Variants in OSBP2 observed in about 807,000 individuals in gnomAD.
OSBP2 encodes the protein oxysterol binding protein 2.
Under a neutral mutation model 96.0 loss-of-function variants are expected in OSBP2, and 66 were observed. That is an observed-to-expected ratio of 0.69 (90% CI 0.56 to 0.84). OSBP2 has a LOEUF of 0.84. OSBP2 is among the 40% of genes least tolerant of loss of function. The pLI, the probability that OSBP2 is intolerant of heterozygous loss-of-function variation, is 0.00. For missense variants in OSBP2, 1,038 were observed against 1,222.7 expected (o/e 0.85, Z 2.25); for synonymous variants, 525 against 520.9 (o/e 1.01, Z -0.11).
chr22:30,811,780 C>T (rs1297892734), intron 2 of OSBP2, among the ~76,000 whole-genome samples: 2 of 151,978 alleles, frequency 1.3e-5, no homozygotes, highest in Non-Finnish European at 2.9e-5. Context: ...GTCTCGAACT[C>T]CTGACCTCAG....
chr22:30,854,718 T>C (rs1443877110), intron 2 of OSBP2, among the ~76,000 whole-genome samples: 1 of 152,202 alleles, frequency 6.6e-6, no homozygotes, highest in East Asian at 1.9e-4. Flanking sequence ...TTTGAGCTTT[T>C]ATTTGGTATG....
chr22:30,903,753 A>G (rs1419194016), intron 12 of OSBP2, among the ~76,000 whole-genome samples: 1 of 152,208 alleles, frequency 6.6e-6, no homozygotes, highest in African/African-American at 2.4e-5. Context: ...GTTTCCCCAA[A>G]TCCCTGTTGC....
At chr22:30,765,922 G>A (rs1176538454) in intron 2 of OSBP2, among the ~76,000 whole-genome samples, 4 of 152,140 alleles carry the variant, frequency 2.6e-5, no homozygotes, top group Non-Finnish European at 5.9e-5. Context: ...GAATATAAGC[G>A]TGAATTATTG....
intron 2 of OSBP2, among the ~76,000 whole-genome samples, chr22:30,789,361 A>G (rs544035374): frequency 6.6e-6 from 1 of 152,312 alleles, no homozygotes; most frequent in East Asian, 1.9e-4. Flanking sequence ...TGGGGGCCAC[A>G]TTCTCTGGGC....
intron 2 of OSBP2, among the ~76,000 whole-genome samples, chr22:30,865,442 T>C (rs371916767): frequency 1.5e-4 from 23 of 152,044 alleles, no homozygotes; most frequent in African/African-American, 3.1e-4. Flanking sequence ...CTGGCCAACA[T>C]AGTGAAACCC....
At chr22:30,764,096 C>T (rs966226772) in intron 2 of OSBP2, among the ~76,000 whole-genome samples, 2 of 152,238 alleles carry the variant, frequency 1.3e-5, no homozygotes, top group African/African-American at 4.8e-5. Context: ...CCACCTCCCT[C>T]TTGGGCCTTC....
chr22:30,892,299 T>TG (rs2039967759), intron 8 of OSBP2, among the ~76,000 whole-genome samples: 1 of 152,020 alleles, frequency 6.6e-6, no homozygotes, highest in South Asian at 2.1e-4. Context: ...ATGGGCTCCT[T>TG]GGGGAGGGAT....
At chr22:30,850,050 C>T (rs893078074) in intron 2 of OSBP2, among the ~76,000 whole-genome samples, 1 of 152,080 alleles carries the variant, frequency 6.6e-6, no homozygotes, top group African/African-American at 2.4e-5. Context: ...CACCTGTAAT[C>T]CCAGCACTTT....
intron 2 of OSBP2, among the ~76,000 whole-genome samples, chr22:30,785,654 G>A (rs1258387069): frequency 1.3e-5 from 2 of 151,632 alleles, no homozygotes; most frequent in Non-Finnish European, 2.9e-5. Flanking sequence ...GATATGATTT[G>A]GCTCTATATC....
rs1420586003 is a variant in OSBP2 at position 30,730,760 on chromosome 22, CTCTCT to C, written c.645-10400_645-10396del. Among the ~76,000 whole-genome samples the C allele has an allele frequency of 4.2e-3, 178 of 41,982 alleles. 10 individuals are homozygous for C. The highest frequency in any genetic ancestry group is 6.7e-3 in the Admixed American group (20 of 3,006). The allele number at this position is 41,982 out of a possible 152,430, so 27.5% of individuals were successfully genotyped here. ...TCTCTCTCTCTCTCTCTCTCTCTCTCTCTCTCTCTCTCTCTATATATATATATATA... is the reference window on the plus strand; with the variant it reads ...TCTCTCTCTCTCTCTCTCTCTCTCTCCTCTCTCTCTATATATATATATATA... On this transcript the variant is annotated intron_variant, in intron 1 of 13. Transcript: ENST00000332585.
Position 30,870,766 on chromosome 22 carries a change from G to C in OSBP2, c.1107+84G>C. On this transcript the variant is annotated intron_variant, in intron 3 of 13. Coordinates refer to ENST00000332585, the MANE Select transcript of OSBP2 (RefSeq NM_030758.4). This position sits in a 1 kb window ranked among gnomAD's most constrained non-coding sequence, Gnocchi z 4.1. ...CTCGGTGGGTGACCAGGGTCAGCTT[G>C]AAGGGTCAGCGTTCCATTTCCTGCG... is the stretch of plus-strand genomic sequence containing the variant. 1.4e-6 allele frequency: 2 copies of C among 1,437,646 alleles called. No individual in the cohort carries two copies. Among genetic ancestry groups the C allele is most frequent in the African/African-American group, 2.8e-5 (2 of 71,822 alleles). 89.1% of individuals were successfully genotyped at this position (1,437,646 alleles called of 1,614,324 possible).
chr22:30,830,058 ATCT>A (rs2038489754), intron 2 of OSBP2, among the ~76,000 whole-genome samples: 1 of 152,104 alleles, frequency 6.6e-6, no homozygotes, highest in Admixed American at 6.5e-5. Flanking sequence ...CTGGATGTAC[ATCT>A]TCTTCTGACC....
At chr22:30,699,723 TCTGCC>T (rs2089126463) in intron 1 of OSBP2, among the ~76,000 whole-genome samples, 3 of 152,290 alleles carry the variant, frequency 2.0e-5, no homozygotes, top group Admixed American at 2.0e-4. Flanking sequence ...CTCAGGTACT[TCTGCC>T]CTGGATTTTG....
At chr22:30,902,073 T>G (rs1236699544) in intron 12 of OSBP2, 4 of 351,590 alleles carry the variant, frequency 1.1e-5, no homozygotes, top group Non-Finnish European at 2.0e-5. Context: ...TAAACCCCAG[T>G]AACATGAAGC....
intron 1 of OSBP2, among the ~76,000 whole-genome samples, chr22:30,734,250 C>T (rs887656892): frequency 2.0e-5 from 3 of 152,196 alleles, no homozygotes; most frequent in African/African-American, 7.2e-5. Context: ...TAGGCATGAG[C>T]CATCATGCCT....
chr22:30,797,146 G>A (rs1404059606), intron 2 of OSBP2, among the ~76,000 whole-genome samples: 1 of 152,136 alleles, frequency 6.6e-6, no homozygotes, highest in Non-Finnish European at 1.5e-5. Context: ...ATGTCTTCCA[G>A]GTTTTTCCAT....
intron 12 of OSBP2, among the ~76,000 whole-genome samples, chr22:30,903,103 G>C (rs74902635): frequency 0.021 from 3,138 of 152,246 alleles, 115 homozygotes; most frequent in African/African-American, 0.072. Flanking sequence ...GTGGCCATGT[G>C]GGGGAGTCGT....
intron 2 of OSBP2, among the ~76,000 whole-genome samples, chr22:30,790,359 G>GTTTGTAGAGGT (rs2090656455): frequency 6.6e-6 from 1 of 152,134 alleles, no homozygotes; most frequent in Admixed American, 6.6e-5. Context: ...ACATCAGCCA[G>GTTTGTAGAGGT]TTTGTAGAGG....
intron 2 of OSBP2, among the ~76,000 whole-genome samples, chr22:30,833,273 C>T (rs1329083381): frequency 5.9e-5 from 9 of 152,126 alleles, no homozygotes; most frequent in East Asian, 1.9e-4. Flanking sequence ...AAATCATCAC[C>T]GTTTGGCTGT....
Sources: gnomAD v4.1 joint callset for allele counts (sites outside exome capture counted in the v4.1 genomes callset) on GRCh38, gnomAD v4.1.1 for gene constraint, Gnocchi (gnomAD v3.1) non-coding constraint, MANE v1.5 for transcripts, NCBI Gene and HGNC (gene_info 2026-07-23, HGNC 2026-07-21) for gene names.